BNC2: variants seen among roughly 807,000 people sequenced by gnomAD.
BNC2 encodes zinc finger protein basonuclin-2.
In BNC2, 20 loss-of-function variants were observed where a neutral mutation model predicts 76.3. The observed-to-expected ratio is 0.26, with a 90% CI of 0.18 to 0.38. The LOEUF is 0.38. Ranked by LOEUF, BNC2 falls within the 10% of genes least tolerant of loss-of-function variation. The pLI, the probability that BNC2 is intolerant of heterozygous loss-of-function variation, is 1.00. For missense variants in BNC2, 1,382 were observed against 1,399.8 expected (o/e 0.99, Z 0.20); for synonymous variants, 582 against 514.8 (o/e 1.13, Z -1.77).
At chr9:16,647,682 A>G (rs1164600717) in intron 3 of BNC2, among the ~76,000 whole-genome samples, 3 of 152,180 alleles carry the variant, frequency 2.0e-5, no homozygotes, top group African/African-American at 7.2e-5. Flanking sequence ...AGTAGCCTTC[A>G]ACAGAATTTT....
intron 1 of BNC2, among the ~76,000 whole-genome samples, chr9:16,812,159 C>A (rs1316336084): frequency 1.3e-5 from 2 of 152,194 alleles, no homozygotes; most frequent in Admixed American, 6.5e-5. Flanking sequence ...GAAGAGGGCA[C>A]AGATCCTCAG....
chr9:16,523,595 GGT>G (rs1817692760), intron 5 of BNC2, among the ~76,000 whole-genome samples: 1 of 151,330 alleles, frequency 6.6e-6, no homozygotes, highest in South Asian at 2.1e-4. Context: ...AGAGAAGAAA[GGT>G]ATAAACTTTC....
chr9:16,593,531 CGTGT>C (rs60449137), intron 3 of BNC2, among the ~76,000 whole-genome samples: 1 of 150,886 alleles, frequency 6.6e-6, no homozygotes, highest in Non-Finnish European at 1.5e-5. Flanking sequence ...CTTTGGAGTG[CGTGT>C]GTGTGTGTGT....
At chr9:16,614,979 A>AGCC (rs1277971932) in intron 3 of BNC2, among the ~76,000 whole-genome samples, 3 of 5,340 alleles carry the variant, frequency 5.6e-4, no homozygotes, top group Non-Finnish European at 2.3e-3. Flanking sequence ...AAAAAAAAAA[A>AGCC]AAAAAAAAAA....
chr9:16,449,180 T>C (rs1003960785), intron 5 of BNC2, among the ~76,000 whole-genome samples: 1 of 152,190 alleles, frequency 6.6e-6, no homozygotes, highest in Non-Finnish European at 1.5e-5. Flanking sequence ...CTGCGTGCCT[T>C]AATACCCTCT....
At chr9:16,433,181 TATA>T (rs1280011484) in intron 6 of BNC2, among the ~76,000 whole-genome samples, 1 of 152,106 alleles carries the variant, frequency 6.6e-6, no homozygotes, top group East Asian at 1.9e-4. Flanking sequence ...CTTAAGAAAA[TATA>T]ATGTCAAAAT....
chr9:16,629,477 G>A (rs1341665398), intron 3 of BNC2, among the ~76,000 whole-genome samples: 2 of 152,120 alleles, frequency 1.3e-5, no homozygotes, highest in Non-Finnish European at 2.9e-5. Flanking sequence ...TCAGTGCTGG[G>A]CTGATCAAGG....
At chr9:16,614,958 T>TAAAAAAAAAAAAAAAA (rs60545823) in intron 3 of BNC2, among the ~76,000 whole-genome samples, 1 of 62,526 alleles carries the variant, frequency 1.6e-5, no homozygotes, top group Non-Finnish European at 3.0e-5. Context: ...TCTGTCTCTT[T>TAAAAAAAAAAAAAAAA]AAAAAAAAAA....
At chr9:16,793,122 C>A (rs1331595788) in intron 1 of BNC2, among the ~76,000 whole-genome samples, 2 of 152,174 alleles carry the variant, frequency 1.3e-5, no homozygotes. Context: ...ACAGGATTGT[C>A]AACAAAGTCA....
Position 16,412,720 on chromosome 9 carries a change from G to GGAGAGAGAGAGAGAGAGAGA in BNC2, c.*6249_*6268dup, listed in dbSNP as rs58174243. On this transcript the variant is annotated 3_prime_UTR_variant, in exon 7 of 7. Coordinates refer to ENST00000380672, the MANE Select transcript of BNC2 (RefSeq NM_017637.6). ...AATAAGAGGGAAGGAGAGAGAGAGGGGAGAGAGAGAGAGAGAGAGAGAGAG... is the reference window on the plus strand; with the variant it reads ...AATAAGAGGGAAGGAGAGAGAGAGGGGAGAGAGAGAGAGAGAGAGAGAGAGAGAGAGAGAGAGAGAGAGAG... The GGAGAGAGAGAGAGAGAGAGA allele has an allele frequency of 2.0e-4, 24 of 119,942 alleles. No homozygotes were observed. The highest frequency in any genetic ancestry group is 4.5e-4 in the Admixed American group (5 of 11,186). 7.4% of individuals were successfully genotyped at this position (119,942 alleles called of 1,614,324 possible).
At chr9:16,843,660 A>G (rs955104448) in intron 1 of BNC2, among the ~76,000 whole-genome samples, 5 of 152,224 alleles carry the variant, frequency 3.3e-5, no homozygotes, top group Admixed American at 1.3e-4. Flanking sequence ...CCTTTTTTAT[A>G]AATGAAAAAT....
At chr9:16,724,728 A>T (rs1004690416) in intron 3 of BNC2, among the ~76,000 whole-genome samples, 1 of 152,124 alleles carries the variant, frequency 6.6e-6, no homozygotes, top group African/African-American at 2.4e-5. Flanking sequence ...AACAAAAGAC[A>T]AAGATTTTTG....
At chr9:16,839,122 A>G (rs1176498189) in intron 1 of BNC2, among the ~76,000 whole-genome samples, 2 of 152,366 alleles carry the variant, frequency 1.3e-5, no homozygotes, top group African/African-American at 4.8e-5. Context: ...TTAAACTGTT[A>G]ACAATTCTGG....
intron 5 of BNC2, among the ~76,000 whole-genome samples, chr9:16,498,653 C>G (rs1587099679): frequency 6.6e-6 from 1 of 150,698 alleles, no homozygotes. Context: ...ACCCCAATAA[C>G]TTATAGAAAA....
intron 3 of BNC2, among the ~76,000 whole-genome samples, chr9:16,649,892 A>C (rs1305715957): frequency 6.6e-6 from 1 of 152,194 alleles, no homozygotes; most frequent in Admixed American, 6.5e-5. Flanking sequence ...GAACAGAGCT[A>C]TGGAGACACA....
At chr9:16,438,073 T>C (rs1349900672) in intron 5 of BNC2, among the ~76,000 whole-genome samples, 2 of 152,154 alleles carry the variant, frequency 1.3e-5, no homozygotes, top group Non-Finnish European at 2.9e-5. Flanking sequence ...ATGAATAAAG[T>C]AGCACTACCC....
chr9:16,677,506 G>C (rs1028350924), intron 3 of BNC2, among the ~76,000 whole-genome samples: 6 of 151,776 alleles, frequency 4.0e-5, no homozygotes, highest in African/African-American at 1.5e-4. Context: ...CTCGGAGGTG[G>C]AGGTTGCAGT....
At chr9:16,682,398 G>A (rs916061372) in intron 3 of BNC2, among the ~76,000 whole-genome samples, 1 of 151,462 alleles carries the variant, frequency 6.6e-6, no homozygotes, top group East Asian at 2.0e-4. Flanking sequence ...AGCAGCAGCC[G>A]AGCTCATCTC....
intron 4 of BNC2, among the ~76,000 whole-genome samples, chr9:16,563,467 A>T (rs188657977): frequency 7.0e-4 from 107 of 152,246 alleles, no homozygotes; most frequent in African/African-American, 2.5e-3. Context: ...AAAAAAAAAA[A>T]TTATAAATCA....
Sources: gnomAD v4.1 joint callset for allele counts (sites outside exome capture counted in the v4.1 genomes callset) on GRCh38, gnomAD v4.1.1 for gene constraint, MANE v1.5 for transcripts, NCBI Gene and HGNC (gene_info 2026-07-23, HGNC 2026-07-21) for gene names.